PIK3C2G: variants seen among roughly 807,000 people sequenced by gnomAD.
PIK3C2G encodes the protein phosphatidylinositol-4-phosphate 3-kinase catalytic subunit type 2 gamma, also known as phosphatidylinositol 3-kinase C2 domain-containing subunit gamma.
PIK3C2G carries 168 observed loss-of-function variants against 181.1 expected under a neutral mutation model. The ratio of observed to expected loss-of-function variants is 0.93; its 90% CI spans 0.82 to 1.05. The LOEUF (loss-of-function observed/expected upper bound fraction) is 1.05. PIK3C2G is among the 50% of genes least tolerant of loss of function. The pLI, the probability that PIK3C2G is intolerant of heterozygous loss-of-function variation, is 0.00. For missense variants in PIK3C2G, 1,869 were observed against 1,732.8 expected, an observed-to-expected ratio of 1.08 and a Z score of -1.40; for synonymous variants, 573 against 592.2, an observed-to-expected ratio of 0.97 and a Z score of 0.47.
At chr12:18,398,922 G>A (rs1380909393) in intron 15 of PIK3C2G, among the ~76,000 whole-genome samples, 7 of 152,100 alleles carry the variant, frequency 4.6e-5, no homozygotes, top group Non-Finnish European at 8.8e-5. Context: ...TTGGCCGGGC[G>A]CAGTGGCTCA....
At chr12:18,559,853 GAGAGAGAGAGAGAC>G (rs1329004352) in intron 26 of PIK3C2G, among the ~76,000 whole-genome samples, 162 of 133,866 alleles carry the variant, frequency 1.2e-3, no homozygotes, top group African/African-American at 4.1e-3. Flanking sequence ...GAGAGAGAGA[GAGAGAGAGAGAGAC>G]AGTTTTGCTC....
chr12:18,312,930 T>C (rs942838654), intron 5 of PIK3C2G, among the ~76,000 whole-genome samples: 3 of 152,146 alleles, frequency 2.0e-5, no homozygotes, highest in African/African-American at 7.2e-5. Flanking sequence ...AGATTAATGG[T>C]CTATTTGTCT....
intron 18 of PIK3C2G, among the ~76,000 whole-genome samples, chr12:18,439,506 C>T (rs1049981411): frequency 6.6e-6 from 1 of 151,958 alleles, no homozygotes; most frequent in African/African-American, 2.4e-5. Context: ...GTTAGAAACT[C>T]CACCTCTGAC....
chr12:18,364,560 T>C (rs1052258236), intron 12 of PIK3C2G, among the ~76,000 whole-genome samples: 1 of 152,154 alleles, frequency 6.6e-6, no homozygotes, highest in Admixed American at 6.5e-5. Context: ...GTAAGTGTTA[T>C]TGGGCAAATT....
the PIK3C2G span, among the ~76,000 whole-genome samples, chr12:18,706,218 T>C: frequency 0.13 from 19,296 of 149,706 alleles, 2,115 homozygotes; most frequent in African/African-American, 0.3. Flanking sequence ...GGTGACGGAA[T>C]GAGACTCTGT....
At chr12:18,413,197 C>A (rs1944973495) in intron 16 of PIK3C2G, among the ~76,000 whole-genome samples, 1 of 151,964 alleles carries the variant, frequency 6.6e-6, no homozygotes, top group Non-Finnish European at 1.5e-5. Context: ...TTATATTTAT[C>A]TTAGCGATGA....
intron 19 of PIK3C2G, among the ~76,000 whole-genome samples, chr12:18,490,883 G>T (rs1431153844): frequency 2.0e-5 from 3 of 152,198 alleles, no homozygotes; most frequent in Admixed American, 2.0e-4. Context: ...ATAGTGGAGT[G>T]TAGGAATGAG....
At chr12:18,726,774 A>T in the PIK3C2G span, among the ~76,000 whole-genome samples, 1 of 152,198 alleles carries the variant, frequency 6.6e-6, no homozygotes, top group Non-Finnish European at 1.5e-5. Context: ...AGTTGGTTGT[A>T]TCTAAAATTA....
the PIK3C2G span, among the ~76,000 whole-genome samples, chr12:18,704,419 G>A: frequency 0.45 from 67,808 of 151,880 alleles, 17,364 homozygotes; most frequent in South Asian, 0.6. Context: ...CCCGCCTCCC[G>A]GGTTCAAGCG....
chr12:18,580,622 T>TCTAC, intron 29 of PIK3C2G, among the ~76,000 whole-genome samples: 1 of 152,200 alleles, frequency 6.6e-6, no homozygotes, highest in Non-Finnish European at 1.5e-5. Flanking sequence ...TTGATGACAT[T>TCTAC]TTAAACTAGA....
the PIK3C2G span, among the ~76,000 whole-genome samples, chr12:18,653,682 T>G: frequency 6.6e-6 from 1 of 152,150 alleles, no homozygotes; most frequent in East Asian, 1.9e-4. Flanking sequence ...TTAAGTCACC[T>G]CAACCACATG....
At chr12:18,598,054 A>G (rs1340015258) in intron 30 of PIK3C2G, among the ~76,000 whole-genome samples, 19 of 152,266 alleles carry the variant, frequency 1.2e-4, no homozygotes, top group African/African-American at 4.3e-4. Flanking sequence ...AATCAATATC[A>G]TGAAAATGGC....
rs772599393 is a variant in PIK3C2G, at chr12:18,282,672, T to C, written c.591T>C (p.His197=). The C allele has an allele frequency of 4.3e-5, 69 of 1,613,442 alleles. No individual in the cohort carries two copies. Among genetic ancestry groups the C allele is most frequent in the Non-Finnish European group, 5.3e-5 (62 of 1,179,578 alleles). ...MPKEENKRSG[H]VNIVEPSLML... ...AAGAAGAGAATAAAAGGAGTGGACA[T>C]GTGAACATTGTGGAACCATCTTTGA... Residue 197 remains histidine (H), a synonymous_variant, in exon 2 of 33, where the codon CAT becomes CAC. Transcript: ENST00000538779.
chr12:18,562,800 T>A lies in PIK3C2G; in HGVS notation c.3688T>A (p.Ser1230Thr), dbSNP rs768006764. Residue 1230 changes from serine (S) to threonine (T), a missense_variant, in exon 27 of 33, where the codon TCA becomes ACA. Coordinates refer to ENST00000538779, the MANE Select transcript of PIK3C2G (RefSeq NM_001288772.2). ...AGCCATAAGCCCTGCCAAATCTACTTCACAGACTTTTCCTCAGGAATCCTG... is the reference window on the plus strand; with the variant it reads ...AGCCATAAGCCCTGCCAAATCTACTACACAGACTTTTCCTCAGGAATCCTG... ...MSAISPAKST[S>T]QTFPQESCLL... 1 of 1,608,178 alleles carries A rather than the reference T, an allele frequency of 6.2e-7. No homozygotes were observed. Among genetic ancestry groups the A allele is most frequent in the East Asian group, 2.2e-5 (1 of 44,810 alleles).
chr12:18,282,073 A>T lies in PIK3C2G; in HGVS notation c.-9A>T. On this transcript the variant is annotated 5_prime_UTR_variant, in exon 2 of 33. An upstream open reading frame in the 5' UTR gains an earlier in-frame stop. Transcript: ENST00000538779. The stretch of plus-strand genomic sequence containing the variant: ...CAGAGTCAACCCTCTCAGTTACATA[A>T]AATAAAAAATGGCATATTCTTGGCA... The T allele has an allele frequency of 6.5e-7, 1 of 1,550,042 alleles. No homozygotes were observed. Among genetic ancestry groups the T allele is most frequent in the Non-Finnish European group, 8.8e-7 (1 of 1,137,400 alleles).
chr12:18,314,155 A>G, intron 6 of PIK3C2G, 91 bp downstream of exon 6: 1 of 641,740 alleles, frequency 1.6e-6, no homozygotes. Flanking sequence ...ACTTGGAATT[A>G]TATAGCTTAA....
chr12:18,639,374 T>C (rs1591740704), intron 31 of PIK3C2G, among the ~76,000 whole-genome samples: 1 of 152,168 alleles, frequency 6.6e-6, no homozygotes, highest in African/African-American at 2.4e-5. Context: ...TGAATATCAC[T>C]GTATTTCAGA....
the PIK3C2G span, chr12:18,696,172 A>G: frequency 1.3e-6 from 2 of 1,572,382 alleles, no homozygotes; most frequent in Non-Finnish European, 8.7e-7. Flanking sequence ...CTATATTCCA[A>G]AATTCTTGGG....
At chr12:18,559,926 C>T (rs1469518033) in intron 26 of PIK3C2G, among the ~76,000 whole-genome samples, 2 of 149,014 alleles carry the variant, frequency 1.3e-5, no homozygotes, top group African/African-American at 4.9e-5. Flanking sequence ...TCACTGCAAC[C>T]TCCACCTCCC....
Sources: gnomAD v4.1 joint callset for allele counts (sites outside exome capture counted in the v4.1 genomes callset) on GRCh38, gnomAD v4.1.1 for gene constraint, MANE v1.5 for transcripts, NCBI Gene and HGNC (gene_info 2026-07-23, HGNC 2026-07-21) for gene names.